The following SORBS2 variants were observed in gnomAD, a reference collection of about 807,000 sequenced individuals.
The protein encoded by SORBS2 is sorbin and SH3 domain-containing protein 2.
Under a neutral mutation model 97.7 loss-of-function variants are expected in SORBS2, and 46 were observed. That is an observed-to-expected ratio of 0.47 (90% CI 0.37 to 0.60). SORBS2 has a LOEUF of 0.60. Ranked by LOEUF, SORBS2 falls within the 20% of genes least tolerant of loss-of-function variation. The pLI, the probability that SORBS2 is intolerant of heterozygous loss-of-function variation, is 0.00. For missense variants in SORBS2, 1,316 were observed against 1,282.3 expected, an observed-to-expected ratio of 1.03 and a Z score of -0.40; for synonymous variants, 476 against 473.4, an observed-to-expected ratio of 1.01 and a Z score of -0.07.
Position 185,623,716 on chromosome 4 carries a change from G to A in SORBS2, c.1413C>T (p.Gly471=). ...GGGCGTTAGACTGGCAGCCTCGCCG[G>A]CCCCGAGCGGGGGGGCCGCTTTGAT... Residue 471 remains glycine (G), a synonymous_variant, in exon 7 of 15, where the codon GGC becomes GGT. Transcript: ENST00000418609. This position sits in a 1 kb window ranked among gnomAD's most constrained non-coding sequence, Gnocchi z 6.4. 1.2e-6 allele frequency: 2 copies of A among 1,613,942 alleles called. No homozygotes were observed. Among genetic ancestry groups the A allele is most frequent in the East Asian group, 2.2e-5 (1 of 44,866 alleles).
intron 2 of SORBS2, among the ~76,000 whole-genome samples, chr4:185,756,719 CTT>C (rs56955640): frequency 0.35 from 46,117 of 131,336 alleles, 7,800 homozygotes; most frequent in African/African-American, 0.39. Flanking sequence ...ACTGTTAAAG[CTT>C]TTTTTTTTTT....
At chr4:185,610,835 A>G (rs932277875) in intron 12 of SORBS2, among the ~76,000 whole-genome samples, 18 of 152,146 alleles carry the variant, frequency 1.2e-4, no homozygotes, top group Admixed American at 1.0e-3. Context: ...AACTTAATAC[A>G]TTTTTTGAAT....
chr4:185,719,837 G>A (rs79687692), intron 2 of SORBS2, among the ~76,000 whole-genome samples: 26 of 152,342 alleles, frequency 1.7e-4, no homozygotes, highest in African/African-American at 5.1e-4. Flanking sequence ...AGAAAGCTAC[G>A]TGTCCTCTTG....
At position 185,694,706 on chromosome 4, in the gene SORBS2, C is replaced by CT. The variant is rs1200094039; in HGVS notation, c.-197-15885dup. On this transcript the variant is annotated intron_variant, in intron 2 of 20. Transcript: ENST00000284776. ...TTTCTTTTTCTTTTTCCTTTTCTTT[C>CT]TTTTCTTTTCTTTTTTTTGAGACGG... Among the ~76,000 whole-genome samples the CT allele has an allele frequency of 7.2e-5, 9 of 124,244 alleles. 1 individual carries two copies. The highest frequency in any genetic ancestry group is 1.3e-4 in the Non-Finnish European group (8 of 60,046). The allele number at this position is 124,244 out of a possible 152,430, so 81.5% of individuals were successfully genotyped here.
At chr4:185,894,133 A>G (rs1284825884) in intron 1 of SORBS2, among the ~76,000 whole-genome samples, 1 of 152,216 alleles carries the variant, frequency 6.6e-6, no homozygotes, top group African/African-American at 2.4e-5. Flanking sequence ...AGGGTAAAAT[A>G]TTCCGGTTTC....
chr4:185,676,735 A>G (rs998596460), intron 4 of SORBS2, among the ~76,000 whole-genome samples: 7 of 92,336 alleles, frequency 7.6e-5, no homozygotes, highest in Non-Finnish European at 1.1e-4. Context: ...ATGATTTCCC[A>G]TAAACATCTA....
chr4:185,643,271 T>C (rs1392311074), intron 4 of SORBS2, among the ~76,000 whole-genome samples: 1 of 152,048 alleles, frequency 6.6e-6, no homozygotes, highest in African/African-American at 2.4e-5. Context: ...GGGGAGAGCT[T>C]TTCCTGGTGG....
intron 2 of SORBS2, among the ~76,000 whole-genome samples, chr4:185,731,594 CCCTG>C (rs1449259251): frequency 5.6e-5 from 7 of 125,910 alleles, no homozygotes; most frequent in African/African-American, 1.6e-4. Context: ...CTCCCTCCCT[CCCTG>C]CCTATCTCTC....
intron 8 of SORBS2, 133 bp from the exon 21 acceptor site, chr4:185,618,764 A>G (rs2096665152): frequency 2.1e-6 from 1 of 470,736 alleles, no homozygotes; most frequent in Non-Finnish European, 3.9e-6. Context: ...CCTGTAAGCA[A>G]TTTATAAATA....
intron 2 of SORBS2, among the ~76,000 whole-genome samples, chr4:185,691,990 G>A (rs904503081): frequency 3.9e-5 from 6 of 152,158 alleles, no homozygotes; most frequent in Non-Finnish European, 5.9e-5. Flanking sequence ...CTTGTGATCC[G>A]CCCGCCTCGG....
intron 1 of SORBS2, among the ~76,000 whole-genome samples, chr4:185,856,698 G>A (rs1228544129): frequency 1.3e-5 from 2 of 152,180 alleles, no homozygotes; most frequent in Non-Finnish European, 2.9e-5. Flanking sequence ...CCTTTGGGAA[G>A]TATATTAGTT....
At chr4:185,939,517 C>CT (rs545784367) in intron 1 of SORBS2, among the ~76,000 whole-genome samples, 43 of 149,922 alleles carry the variant, frequency 2.9e-4, no homozygotes, top group Admixed American at 4.0e-4. Flanking sequence ...TCTCAACTTT[C>CT]TTTTTTTTTT....
chr4:185,766,977 T>A (rs1240296218), intron 2 of SORBS2, among the ~76,000 whole-genome samples: 3 of 152,348 alleles, frequency 2.0e-5, no homozygotes, highest in African/African-American at 4.8e-5. Context: ...AAATTTTTTT[T>A]AAACTGTGTC....
At chr4:185,655,661 C>T (rs887637632) in intron 1 of SORBS2, among the ~76,000 whole-genome samples, 2 of 152,184 alleles carry the variant, frequency 1.3e-5, no homozygotes, top group Admixed American at 6.5e-5. Flanking sequence ...TTTGCTTATG[C>T]ATACCCAAAC....
At chr4:185,766,299 C>T (rs2098933784) in intron 2 of SORBS2, among the ~76,000 whole-genome samples, 1 of 152,182 alleles carries the variant, frequency 6.6e-6, no homozygotes, top group South Asian at 2.1e-4. Flanking sequence ...CAACACTTGG[C>T]TCTGCTGGGA....
At chr4:185,903,557 C>G (rs2099248911) in intron 1 of SORBS2, among the ~76,000 whole-genome samples, 1 of 152,134 alleles carries the variant, frequency 6.6e-6, no homozygotes, top group Admixed American at 6.6e-5. Context: ...CCCTCTGATA[C>G]CTGCTTGTCT....
chr4:185,673,182 G>A (rs2097742285), intron 4 of SORBS2, among the ~76,000 whole-genome samples: 1 of 152,196 alleles, frequency 6.6e-6, no homozygotes, highest in Admixed American at 6.5e-5. Flanking sequence ...GGGGATATGA[G>A]TTGCTATTCG....
upstream of SORBS2, among the ~76,000 whole-genome samples, chr4:185,661,224 C>T (rs368365921): frequency 1.1e-3 from 159 of 150,956 alleles, 1 homozygote; most frequent in East Asian, 0.023. Context: ...TGCAGTGAGC[C>T]GAGATCGCCC....
At chr4:185,869,238 T>C (rs1258635398) in intron 1 of SORBS2, among the ~76,000 whole-genome samples, 1 of 152,174 alleles carries the variant, frequency 6.6e-6, no homozygotes, top group Non-Finnish European at 1.5e-5. Context: ...ATTGTGACAC[T>C]TTTTCTTAAT....
Sources: allele counts gnomAD v4.1 joint callset (sites outside exome capture counted in the v4.1 genomes callset), GRCh38; gene constraint gnomAD v4.1.1; non-coding constraint Gnocchi (gnomAD v3.1); transcripts MANE v1.5; gene names NCBI Gene and HGNC (gene_info 2026-07-23, HGNC 2026-07-21).